Variants in TP63 observed in about 807,000 individuals in gnomAD.
The protein encoded by TP63 is tumor protein p63.
In TP63, 17 loss-of-function variants were observed where a neutral mutation model predicts 82.8. The ratio of observed to expected loss-of-function variants is 0.21; its 90% confidence interval spans 0.14 to 0.31. TP63 has a LOEUF of 0.31. Ranked by LOEUF, TP63 falls within the 10% of genes least tolerant of loss-of-function variation. The pLI is 1.00. For synonymous variants in TP63, 330 were observed against 321.7 expected, an observed-to-expected ratio of 1.03 and a Z score of -0.28; for missense variants, 648 against 895.3, an observed-to-expected ratio of 0.72 and a Z score of 3.52.
At chr3:189,832,720 G>C (rs769822867) in intron 4 of TP63, among the ~76,000 whole-genome samples, 4 of 152,168 alleles carry the variant, frequency 2.6e-5, no homozygotes, top group Non-Finnish European at 5.9e-5. Context: ...AACTCCATAA[G>C]ACACTTTACA....
chr3:189,749,420 T>C (rs897556822), intron 3 of TP63, among the ~76,000 whole-genome samples: 3 of 152,068 alleles, frequency 2.0e-5, no homozygotes, highest in African/African-American at 7.2e-5. Context: ...GATGTAAAAA[T>C]GGCCAATAAC....
chr3:189,692,159 T>G (rs1716986600), intron 1 of TP63, among the ~76,000 whole-genome samples: 1 of 152,222 alleles, frequency 6.6e-6, no homozygotes, highest in African/African-American at 2.4e-5. Flanking sequence ...CAAACTTACC[T>G]GAGTTTACCT....
chr3:189,645,424 C>A, intron 1 of TP63: 1 of 420,014 alleles, frequency 2.4e-6, no homozygotes, highest in South Asian at 4.3e-5. Context: ...ACTCCATGGT[C>A]TTCCAGCTGG....
intron 10 of TP63, among the ~76,000 whole-genome samples, chr3:189,874,076 A>T (rs1718746170): frequency 6.6e-6 from 1 of 151,680 alleles, no homozygotes; most frequent in African/African-American, 2.4e-5. Flanking sequence ...AGGGCTTATG[A>T]TTATTATTAT....
intron 4 of TP63, among the ~76,000 whole-genome samples, chr3:189,855,662 C>G (rs939397808): frequency 6.6e-6 from 1 of 151,678 alleles, no homozygotes; most frequent in Non-Finnish European, 1.5e-5. Context: ...AAAAAGAATA[C>G]CGTCTTTGTA....
At chr3:189,766,417 GT>G (rs141603158) in intron 3 of TP63, among the ~76,000 whole-genome samples, 19,782 of 149,698 alleles carry the variant, frequency 0.13, 1,651 homozygotes, top group African/African-American at 0.23. Flanking sequence ...TCCTAATCAG[GT>G]TTTTTTTTTC....
chr3:189,749,273 A>G (rs986739959), intron 3 of TP63, among the ~76,000 whole-genome samples: 5 of 152,324 alleles, frequency 3.3e-5, no homozygotes, highest in African/African-American at 1.2e-4. Context: ...GGAAGAAAAT[A>G]TTTGAAATTA....
chr3:189,765,499 G>A (rs1384766550), intron 3 of TP63, among the ~76,000 whole-genome samples: 1 of 127,418 alleles, frequency 7.8e-6, no homozygotes, highest in Non-Finnish European at 1.6e-5. Context: ...GCAGTGGGGG[G>A]ATCTTGGCTC....
At chr3:189,697,383 C>T (rs1717467514) in intron 1 of TP63, among the ~76,000 whole-genome samples, 1 of 151,962 alleles carries the variant, frequency 6.6e-6, no homozygotes, top group Non-Finnish European at 1.5e-5. Flanking sequence ...ATATCTGAAC[C>T]TTCCATTCTG....
chr3:189,785,126 C>T (rs1349752344), intron 3 of TP63, among the ~76,000 whole-genome samples: 4 of 152,062 alleles, frequency 2.6e-5, no homozygotes, highest in Middle Eastern at 3.4e-3. Context: ...GCTTGAGATA[C>T]GGAGCTTGAA....
chr3:189,875,603 T>TATATATATATATATAC, intron 10 of TP63, among the ~76,000 whole-genome samples: 1 of 35,160 alleles, frequency 2.8e-5, no homozygotes, highest in African/African-American at 7.8e-5. Flanking sequence ...CATATATATA[T>TATATATATATATATAC]ATATATATAT....
At position 189,643,553 on chromosome 3, in the gene TP63, G is replaced by A. The variant is rs1411033620; in HGVS notation, c.62+11976G>A. Among the ~76,000 whole-genome samples the A allele has an allele frequency of 2.0e-5, 3 of 151,998 alleles. No individual in the cohort carries two copies. In the East Asian group the frequency reaches 5.8e-4, roughly 29 times the overall value. On this transcript the variant is annotated intron_variant, in intron 1 of 13. Transcript: ENST00000264731. ...TTCTGTTACTGAAATTTGGTGATGT[G>A]GATCAAGCCCTCCTCCATGAACTCT... is the stretch of plus-strand genomic sequence containing the variant.
rs1162062999 is a variant in TP63 at position 189,867,820 on chromosome 3, C to T, written c.883-13C>T. The stretch of plus-strand genomic sequence containing the variant: ...ACCCTTGTTAACACAGATTATTTAC[C>T]CCTTGTTTTCAGGTTGGCACTGAAT... On this transcript the variant is annotated splice_polypyrimidine_tract_variant and intron_variant, in intron 6 of 13. Coordinates refer to ENST00000264731, the MANE Select transcript of TP63 (RefSeq NM_003722.5). The T allele has an allele frequency of 1.9e-6, 3 of 1,609,946 alleles. No individual in the cohort carries two copies. Among genetic ancestry groups the T allele is most frequent in the African/African-American group, 2.7e-5 (2 of 74,834 alleles).
At chr3:189,844,230 G>T in intron 4 of TP63, 1 of 409,158 alleles carries the variant, frequency 2.4e-6, no homozygotes, top group South Asian at 1.8e-5. Context: ...GGAGTGCAAT[G>T]GCATGATCTC....
chr3:189,614,178 T>G, the TP63 span, among the ~76,000 whole-genome samples: 1 of 152,276 alleles, frequency 6.6e-6, no homozygotes, highest in African/African-American at 2.4e-5. Flanking sequence ...CTCCCAGAAT[T>G]CCCACCTGTT....
intron 1 of TP63, among the ~76,000 whole-genome samples, chr3:189,715,989 C>T (rs58880214): frequency 0.037 from 5,630 of 152,260 alleles, 341 homozygotes; most frequent in African/African-American, 0.13. Flanking sequence ...TTATTCAGTA[C>T]TCACTACGTA....
intron 10 of TP63, among the ~76,000 whole-genome samples, chr3:189,881,884 A>G (rs1719948100): frequency 6.6e-6 from 1 of 152,166 alleles, no homozygotes; most frequent in African/African-American, 2.4e-5. Context: ...TTTAAATAAC[A>G]TGGCTTCTGT....
chr3:189,698,169 T>C (rs1717533483), intron 1 of TP63, among the ~76,000 whole-genome samples: 1 of 152,126 alleles, frequency 6.6e-6, no homozygotes, highest in East Asian at 1.9e-4. Context: ...TTAGGTTTTT[T>C]GTAGGTGTTC....
intron 1 of TP63, among the ~76,000 whole-genome samples, chr3:189,699,360 C>A (rs1419162103): frequency 3.3e-5 from 5 of 152,300 alleles, no homozygotes; most frequent in Non-Finnish European, 4.4e-5. Context: ...ATTCTACAAG[C>A]TAGCATGATG....
Sources: allele counts gnomAD v4.1 joint callset (sites outside exome capture counted in the v4.1 genomes callset), GRCh38; gene constraint gnomAD v4.1.1; transcripts MANE v1.5; gene names NCBI Gene and HGNC (gene_info 2026-07-23, HGNC 2026-07-21).